Variants in CSMD1 observed in about 807,000 individuals in gnomAD.
The protein encoded by CSMD1 is CUB and Sushi multiple domains 1, also known as CUB and sushi domain-containing protein 1.
A neutral mutation model predicts 417.5 loss-of-function variants in CSMD1; 213 were observed. The observed-to-expected ratio is 0.51, with a 90% CI of 0.46 to 0.57. The LOEUF is 0.57. Among genes scored for constraint, CSMD1 ranks in the 20% least tolerant of loss-of-function variants. CSMD1 has a pLI of 0.00. For missense variants in CSMD1, 6,923 were observed against 4,529.7 expected (o/e 1.53, Z -15.17); for synonymous variants, 2,862 against 1,736.8 (o/e 1.65, Z -16.11).
intron 5 of CSMD1, among the ~76,000 whole-genome samples, chr8:3,901,833 T>A (rs1441335656): frequency 6.6e-6 from 1 of 152,228 alleles, no homozygotes; most frequent in African/African-American, 2.4e-5. Context: ...TTTGTTTGCA[T>A]CCTGATATTA....
chr8:3,246,565 G>A (rs529239800), intron 26 of CSMD1, among the ~76,000 whole-genome samples: 13 of 152,218 alleles, frequency 8.5e-5, no homozygotes, highest in East Asian at 1.9e-4. Context: ...GCCACCTCCC[G>A]TGTTCAAGGG....
intron 7 of CSMD1, among the ~76,000 whole-genome samples, chr8:3,707,475 A>C (rs1031982485): frequency 2.0e-5 from 3 of 152,204 alleles, no homozygotes; most frequent in Admixed American, 6.5e-5. Context: ...AACACAACCC[A>C]ATGGGTAGAA....
chr8:3,123,986 A>C (rs1051117853), intron 41 of CSMD1, among the ~76,000 whole-genome samples: 1 of 152,220 alleles, frequency 6.6e-6, no homozygotes, highest in South Asian at 2.1e-4. Context: ...TCTGCTCATG[A>C]AAATAACCTC....
intron 37 of CSMD1, among the ~76,000 whole-genome samples, chr8:3,165,692 C>T (rs1489437492): frequency 1.3e-5 from 2 of 152,058 alleles, no homozygotes; most frequent in African/African-American, 4.8e-5. Context: ...TCAGCCTCCC[C>T]AAAGTGCTGG....
At chr8:4,357,570 C>T (rs967247226) in intron 3 of CSMD1, among the ~76,000 whole-genome samples, 3 of 152,132 alleles carry the variant, frequency 2.0e-5, no homozygotes, top group African/African-American at 7.2e-5. Flanking sequence ...ATCTGTCATT[C>T]TCCATGGTCT....
intron 2 of CSMD1, among the ~76,000 whole-genome samples, chr8:4,606,550 T>G (rs1452711944): frequency 6.6e-6 from 1 of 152,188 alleles, no homozygotes; most frequent in Non-Finnish European, 1.5e-5. Flanking sequence ...GGCTGTCAGC[T>G]GCTGAAACAC....
intron 37 of CSMD1, among the ~76,000 whole-genome samples, chr8:3,177,524 G>A (rs953009976): frequency 3.9e-5 from 6 of 152,292 alleles, no homozygotes; most frequent in Non-Finnish European, 8.8e-5. Flanking sequence ...TATAAAAGGT[G>A]TGTTTCAATC....
chr8:4,298,356 A>C (rs1379890464), intron 3 of CSMD1, among the ~76,000 whole-genome samples: 1 of 152,150 alleles, frequency 6.6e-6, no homozygotes, highest in African/African-American at 2.4e-5. Context: ...ACATCAGTTT[A>C]CTGTAATAGT....
chr8:3,712,737 C>A (rs959073223), intron 6 of CSMD1, among the ~76,000 whole-genome samples: 1 of 152,148 alleles, frequency 6.6e-6, no homozygotes, highest in African/African-American at 2.4e-5. Context: ...AAGATAACTT[C>A]AATGCACGCC....
intron 3 of CSMD1, among the ~76,000 whole-genome samples, chr8:4,043,080 G>T (rs76241590): frequency 8.2e-4 from 124 of 151,994 alleles, no homozygotes; most frequent in African/African-American, 2.9e-3. Flanking sequence ...TGCAGTGAGC[G>T]GAAATTGCAC....
chr8:4,147,929 C>T (rs575327793), intron 3 of CSMD1, among the ~76,000 whole-genome samples: 27 of 152,178 alleles, frequency 1.8e-4, no homozygotes, highest in African/African-American at 5.5e-4. Flanking sequence ...GCAGCACAAA[C>T]TCTGGGGTGC....
intron 3 of CSMD1, among the ~76,000 whole-genome samples, chr8:4,380,255 T>G (rs141576489): frequency 5.3e-5 from 8 of 152,238 alleles, no homozygotes; most frequent in African/African-American, 1.9e-4. Flanking sequence ...TGGACAAGCC[T>G]GACAAACACC....
intron 1 of CSMD1, among the ~76,000 whole-genome samples, chr8:4,991,445 T>A (rs934611547): frequency 6.6e-6 from 1 of 152,216 alleles, no homozygotes; most frequent in Non-Finnish European, 1.5e-5. Context: ...TGACCTCAAC[T>A]GCGACCGCCT....
rs752176703 is a variant in CSMD1, at chr8:3,201,657, G to T, written c.5053C>A (p.His1685Asn). 6.2e-7 allele frequency: 1 copy of T among 1,606,578 alleles called. No individual in the cohort carries two copies. Among genetic ancestry groups the T allele is most frequent in the Non-Finnish European group, 8.5e-7 (1 of 1,176,462 alleles). Residue 1685 changes from histidine to asparagine, a missense_variant, in exon 32 of 70, where the codon CAT (histidine) becomes AAT (asparagine). Transcript: ENST00000635120. ...GAGCTGAGAAGTCTGGCCTGTGCATGGGTTCCATCAAATAATTCTGCCAAA... is the reference window on the plus strand; with the variant it reads ...GAGCTGAGAAGTCTGGCCTGTGCATTGGTTCCATCAAATAATTCTGCCAAA... ...NDLAELFDGT[H>N]AQARLLSSLS...
chr8:3,144,596 G>C (rs1434116685), intron 40 of CSMD1, among the ~76,000 whole-genome samples: 5 of 151,866 alleles, frequency 3.3e-5, no homozygotes, highest in African/African-American at 4.8e-5. Flanking sequence ...TTCTAACATC[G>C]TCTGCTGTAT....
chr8:3,373,950 CT>C lies in CSMD1; in HGVS notation c.2783-4581del, dbSNP rs542335484. On this transcript the variant is annotated intron_variant, in intron 18 of 69. Coordinates refer to ENST00000635120, the MANE Select transcript of CSMD1 (RefSeq NM_033225.6). The stretch of plus-strand genomic sequence containing the variant: ...GGCTGAGTTGAAGTAAAGCATCCAA[CT>C]ATTTTTTTTTTTTTTTTTTGAGATG... Among the ~76,000 whole-genome samples the C allele has an allele frequency of 1.1e-3, 97 of 88,728 alleles. No individual in the cohort carries two copies. The Middle Eastern group carries it at 0.058, about 53-fold the overall frequency. 58.2% of individuals were successfully genotyped at this position (88,728 alleles called of 152,430 possible).
At chr8:3,693,125 A>T (rs76583473) in intron 7 of CSMD1, among the ~76,000 whole-genome samples, 9,553 of 152,268 alleles carry the variant, frequency 0.063, 397 homozygotes, top group Non-Finnish European at 0.099. Flanking sequence ...AATAGATACC[A>T]ATAGATAGTC....
intron 5 of CSMD1, among the ~76,000 whole-genome samples, chr8:3,883,044 T>A (rs796588064): frequency 2.0e-5 from 3 of 152,144 alleles, no homozygotes; most frequent in African/African-American, 7.2e-5. Flanking sequence ...CGCCTGAACA[T>A]ATCTAAGAGC....
intron 5 of CSMD1, among the ~76,000 whole-genome samples, chr8:3,769,437 G>A (rs1170277564): frequency 9.1e-6 from 1 of 109,942 alleles, no homozygotes; most frequent in Admixed American, 8.4e-5. Context: ...CAATTCCAGT[G>A]TAAAGTGACA....
Sources: gnomAD v4.1 joint callset for allele counts (sites outside exome capture counted in the v4.1 genomes callset) on GRCh38, gnomAD v4.1.1 for gene constraint, MANE v1.5 for transcripts, NCBI Gene and HGNC (gene_info 2026-07-23, HGNC 2026-07-21) for gene names.